RANBP2: variants seen among roughly 807,000 people sequenced by gnomAD.
RANBP2 encodes the protein E3 SUMO-protein ligase RanBP2.
Under a neutral mutation model 303.6 loss-of-function variants are expected in RANBP2, and 57 were observed. That is an observed-to-expected ratio of 0.19 (90% CI 0.15 to 0.23). RANBP2 has a LOEUF of 0.23. Among genes scored for constraint, RANBP2 ranks in the 10% least tolerant of loss-of-function variants. The probability of loss-of-function intolerance (pLI) is 1.00; values close to 1 mark genes in which losing one functional copy is unlikely to be tolerated. For missense variants in RANBP2, 3,138 were observed against 3,780.8 expected (o/e 0.83, Z 4.46); for synonymous variants, 1,167 against 1,301.5 (o/e 0.90, Z 2.23).
At chr2:108,794,863 A>G in the RANBP2 span, 21 of 649,544 alleles carry the variant, frequency 3.2e-5, no homozygotes, top group South Asian at 4.2e-4. Context: ...GACAAACTCA[A>G]ATTATAGGGA....
the RANBP2 span, among the ~76,000 whole-genome samples, chr2:109,055,026 A>G: frequency 5.3e-5 from 8 of 150,964 alleles, no homozygotes; most frequent in South Asian, 1.3e-3. Context: ...ATAATTCTGG[A>G]CTCTTTCCAG....
chr2:109,069,885 T>C, the RANBP2 span, among the ~76,000 whole-genome samples: 30 of 152,254 alleles, frequency 2.0e-4, no homozygotes, highest in Admixed American at 3.3e-4. Context: ...ACCAGTACTC[T>C]GTCCTCATAA....
At chr2:108,897,092 T>G in the RANBP2 span, 1 of 1,614,046 alleles carries the variant, frequency 6.2e-7, no homozygotes, top group Non-Finnish European at 8.5e-7. Context: ...ATGCCCCCAA[T>G]CTCATCCCTC....
At chr2:109,123,829 T>C in the RANBP2 span, among the ~76,000 whole-genome samples, 41 of 152,164 alleles carry the variant, frequency 2.7e-4, no homozygotes, top group Admixed American at 2.7e-3. Context: ...CCTGCCCTTC[T>C]AGAATGCCAG....
chr2:109,321,378 T>C, the RANBP2 span, among the ~76,000 whole-genome samples: 3 of 152,350 alleles, frequency 2.0e-5, no homozygotes, highest in Middle Eastern at 3.4e-3. Context: ...CCAAAGCCTA[T>C]GTGGATTAGG....
chr2:108,956,736 C>T, the RANBP2 span, among the ~76,000 whole-genome samples: 1 of 151,966 alleles, frequency 6.6e-6, no homozygotes, highest in Admixed American at 6.6e-5. Context: ...TGGACTTTTA[C>T]GATTAGGATC....
the RANBP2 span, chr2:109,129,385 C>G: frequency 7.8e-7 from 1 of 1,274,578 alleles, no homozygotes; most frequent in Non-Finnish European, 1.1e-6. Flanking sequence ...TGAGCCACTT[C>G]GCACCGCCAC....
chr2:109,276,998 G>A, the RANBP2 span, among the ~76,000 whole-genome samples: 1 of 152,224 alleles, frequency 6.6e-6, no homozygotes, highest in South Asian at 2.1e-4. Flanking sequence ...GTGGGCAAAT[G>A]GACAGAATCA....
the RANBP2 span, among the ~76,000 whole-genome samples, chr2:108,844,896 C>T: frequency 3.3e-5 from 5 of 151,918 alleles, no homozygotes; most frequent in Admixed American, 2.0e-4. Flanking sequence ...TACAGGTGCA[C>T]GCCACCAAGC....
the RANBP2 span, among the ~76,000 whole-genome samples, chr2:109,406,217 G>A: frequency 3.3e-5 from 5 of 152,268 alleles, no homozygotes; most frequent in East Asian, 9.7e-4. Flanking sequence ...GGGGGAGGGA[G>A]GTTAATCAGA....
At chr2:109,117,734 G>A in the RANBP2 span, among the ~76,000 whole-genome samples, 18 of 152,188 alleles carry the variant, frequency 1.2e-4, no homozygotes, top group Middle Eastern at 3.2e-3. Flanking sequence ...CGTCGCTCAC[G>A]TTGGGAGCTG....
At chr2:108,926,309 C>T in the RANBP2 span, among the ~76,000 whole-genome samples, 1 of 152,188 alleles carries the variant, frequency 6.6e-6, no homozygotes, top group East Asian at 1.9e-4. Flanking sequence ...AGCCCCCCAA[C>T]CCCTGTTCTA....
At chr2:109,627,656 C>T in the RANBP2 span, among the ~76,000 whole-genome samples, 4 of 152,192 alleles carry the variant, frequency 2.6e-5, no homozygotes, top group South Asian at 2.1e-4. Flanking sequence ...TGTGTCCCTG[C>T]GAGGCATGAT....
the RANBP2 span, chr2:108,798,320 CT>C: frequency 2.5e-6 from 3 of 1,192,822 alleles, 1 homozygote; most frequent in South Asian, 3.1e-5. Flanking sequence ...TTAGGTACCC[CT>C]GTATTCCTGA....
the RANBP2 span, among the ~76,000 whole-genome samples, chr2:109,630,133 G>A: frequency 1.8e-4 from 27 of 152,170 alleles, no homozygotes; most frequent in Admixed American, 1.4e-3. Context: ...TGTATTATGT[G>A]TGTAAGCGTG....
chr2:109,431,965 G>A, the RANBP2 span, among the ~76,000 whole-genome samples: 1 of 152,184 alleles, frequency 6.6e-6, no homozygotes, highest in East Asian at 1.9e-4. Flanking sequence ...CCCTTAAAAA[G>A]GGCCTCTGAG....
the RANBP2 span, chr2:109,615,793 G>T: frequency 3.7e-6 from 6 of 1,614,026 alleles, no homozygotes; most frequent in Non-Finnish European, 8.5e-7. Flanking sequence ...CTAGAAGATG[G>T]AGGGGACCAT....
chr2:108,862,651 A>G, the RANBP2 span, among the ~76,000 whole-genome samples: 1 of 152,240 alleles, frequency 6.6e-6, no homozygotes, highest in Non-Finnish European at 1.5e-5. Context: ...ATATTGAAAT[A>G]TATTGTACAT....
intron 22 of RANBP2, 59 bp downstream of exon 22, chr2:108,772,640 A>G: frequency 3.4e-6 from 5 of 1,482,590 alleles, no homozygotes; most frequent in Non-Finnish European, 4.7e-6. Context: ...TTTAGAAGGA[A>G]TAACCTAGTC....
Sources: gnomAD v4.1 joint callset for allele counts (sites outside exome capture counted in the v4.1 genomes callset) on GRCh38, gnomAD v4.1.1 for gene constraint, MANE v1.5 for transcripts, NCBI Gene and HGNC (gene_info 2026-07-23, HGNC 2026-07-21) for gene names.